The following CATIP variants were observed in gnomAD, a reference collection of about 807,000 sequenced individuals.
CATIP encodes the protein ciliogenesis associated TTC17 interacting protein.
A neutral mutation model predicts 42.5 loss-of-function variants in CATIP; 40 were observed. The observed-to-expected ratio is 0.94, with a 90% CI of 0.73 to 1.22. The LOEUF (loss-of-function observed/expected upper bound fraction) is 1.22. Ranked by LOEUF, CATIP falls within the 50% of genes most tolerant of loss-of-function variation. The pLI, the probability that CATIP is intolerant of heterozygous loss-of-function variation, is 0.00. For missense variants in CATIP, 489 were observed against 496.0 expected (o/e 0.99, Z 0.13); for synonymous variants, 222 against 200.2 (o/e 1.11, Z -0.92).
chr2:218,366,671 C>T, intron 7 of CATIP: 2 of 335,272 alleles, frequency 6.0e-6, no homozygotes, highest in Non-Finnish European at 1.2e-5. Flanking sequence ...TGGGTGGCTT[C>T]AAGAGAAATA....
In CATIP at chr2:218,357,075, A is replaced by G; in HGVS notation, c.26-20A>G. The G allele has an allele frequency of 6.2e-7, 1 of 1,606,234 alleles. No individual in the cohort carries two copies. Among genetic ancestry groups the G allele is most frequent in the Non-Finnish European group, 8.5e-7 (1 of 1,174,430 alleles). ...CCTTCTCCCCAGGGTCTGCCATCTT[A>G]GCCTCTCATCCCTCTGTAGGCTCCA... is the stretch of plus-strand genomic sequence containing the variant. On this transcript the variant is annotated intron_variant, in intron 1 of 9. Coordinates refer to ENST00000289388, the MANE Select transcript of CATIP (RefSeq NM_198559.2).
intron 6 of CATIP, among the ~76,000 whole-genome samples, chr2:218,363,226 A>T (rs1337845321): frequency 2.0e-5 from 3 of 152,142 alleles, no homozygotes; most frequent in Non-Finnish European, 2.9e-5. Context: ...CACGCCTGTA[A>T]TCCCAGCACT....
chr2:218,359,465 G>A (rs1695159418), intron 4 of CATIP, among the ~76,000 whole-genome samples: 3 of 152,068 alleles, frequency 2.0e-5, no homozygotes, highest in Admixed American at 1.3e-4. Flanking sequence ...TAATTAAGTG[G>A]CTGGGGCTGG....
At chr2:218,362,590 C>A in intron 5 of CATIP, 145 bp from the exon 6 acceptor site, 2 of 682,486 alleles carry the variant, frequency 2.9e-6, no homozygotes, top group Non-Finnish European at 4.9e-6. Context: ...TGAGACCACG[C>A]CATTGCACTC....
rs371635156 is a variant in CATIP at position 218,356,919 on chromosome 2, G to A, written c.25+10G>A. 6.2e-7 allele frequency: 1 copy of A among 1,613,874 alleles called. No homozygotes were observed. The highest frequency in any genetic ancestry group is 8.5e-7 in the Non-Finnish European group (1 of 1,179,890). On this transcript the variant is annotated intron_variant, in intron 1 of 9. Transcript: ENST00000289388. ...AAGGTTTACTCCACAGGTGGGAAGA[G>A]GACTGCTGGGGCTGGAGGCGGGGAT...
rs561708956 is a variant in CATIP, at chr2:218,362,919, G to T, written c.630+17G>T. The T allele has an allele frequency of 8.7e-6, 14 of 1,600,752 alleles. No homozygotes were observed. In the African/African-American group the frequency reaches 1.6e-4, roughly 18 times the overall value. On this transcript the variant is annotated intron_variant, in intron 6 of 9. Transcript: ENST00000289388. ...TTGACCTATGTAAGGGGTCCCCTTG[G>T]GCAGGGGACTTGGCTTGGGAGCGAA... is the stretch of plus-strand genomic sequence containing the variant.
intron 2 of CATIP, 152 bp from the exon 3 acceptor site, chr2:218,357,382 C>A (rs1695065914): frequency 2.7e-6 from 2 of 735,588 alleles, no homozygotes; most frequent in Non-Finnish European, 4.4e-6. Context: ...GGACATGGGG[C>A]AGGAGTCTTC....
intron 4 of CATIP, 97 bp from the exon 5 acceptor site, chr2:218,360,476 C>A: frequency 2.1e-6 from 2 of 942,972 alleles, no homozygotes; most frequent in Admixed American, 2.0e-5. Context: ...AAGTCACAAT[C>A]TTTAAACCTC....
intron 4 of CATIP, among the ~76,000 whole-genome samples, chr2:218,360,204 G>A (rs915791636): frequency 1.5e-4 from 23 of 151,142 alleles, no homozygotes; most frequent in African/African-American, 5.3e-4. Flanking sequence ...CCAGGCTGGA[G>A]TGTAGTGGTG....
At position 218,358,433 on chromosome 2, in the gene CATIP, C is replaced by T. The variant is rs537892474; in HGVS notation, c.375+341C>T. 3.3e-5 allele frequency among the ~76,000 whole-genome samples: 5 copies of T among 152,070 alleles called. No homozygotes were observed. In the South Asian group the frequency reaches 6.2e-4, roughly 19 times the overall value. ...AAAATTAGCCAGGCATGGTGGTGCACGCCTGTAGTCCCAGCTACTCAGAAG... is the reference window on the plus strand; with the variant it reads ...AAAATTAGCCAGGCATGGTGGTGCATGCCTGTAGTCCCAGCTACTCAGAAG... On this transcript the variant is annotated intron_variant, in intron 4 of 9. Coordinates refer to ENST00000289388, the MANE Select transcript of CATIP (RefSeq NM_198559.2).
In CATIP at chr2:218,367,710, G is replaced by A; in HGVS notation, c.922-12G>A. The A allele has an allele frequency of 6.3e-7, 1 of 1,588,168 alleles. No individual in the cohort carries two copies. On this transcript the variant is annotated splice_polypyrimidine_tract_variant and intron_variant, in intron 9 of 9. Coordinates refer to ENST00000289388, the MANE Select transcript of CATIP (RefSeq NM_198559.2). ...CCCGTCCGGCTGAGGCTCGGGCTCTGTCCCCTGCCAGGAGGAGCTCCGGCT... is the reference window on the plus strand; with the variant it reads ...CCCGTCCGGCTGAGGCTCGGGCTCTATCCCCTGCCAGGAGGAGCTCCGGCT...
intron 7 of CATIP, 43 bp from the exon 8 acceptor site, chr2:218,366,981 G>GTCTGGGAAGAT (rs760671754): frequency 6.8e-7 from 1 of 1,468,238 alleles, no homozygotes; most frequent in African/African-American, 1.4e-5. Context: ...ATAGCAGGCG[G>GTCTGGGAAGAT]TCTGGGAAGA....
In CATIP at chr2:218,356,860, G is replaced by A. The variant is rs186808733; in HGVS notation, c.-25G>A. On this transcript the variant is annotated 5_prime_UTR_variant, in exon 1 of 10. Transcript: ENST00000289388. ...GTTGCCATGGAGACAGCTGGACACA[G>A]ACCGGGTAGAGGCAGGCCCACAGCA... 32 of 1,614,096 alleles carry A rather than the reference G, an allele frequency of 2.0e-5. No individual in the cohort carries two copies. Among genetic ancestry groups the A allele is most frequent in the Admixed American group, 6.7e-5 (4 of 60,020 alleles).
chr2:218,364,541 G>C, intron 6 of CATIP, 87 bp from the exon 7 acceptor site: 1 of 1,534,228 alleles, frequency 6.5e-7, no homozygotes, highest in Non-Finnish European at 8.8e-7. Context: ...GTTGTTATGA[G>C]ATGGAGAAAA....
rs1392170214 is a variant in CATIP at position 218,362,867 on chromosome 2, T to C, written c.595T>C (p.Leu199=). The C allele has an allele frequency of 1.2e-6, 2 of 1,613,716 alleles. No individual in the cohort carries two copies. Among genetic ancestry groups the C allele is most frequent in the South Asian group, 1.1e-5 (1 of 91,082 alleles). ...GCCCAGCAATGCCCGCTTCCTGACC[T>C]TGGACACCGAGGGCAAACTCTGCTA... ...MVPSNARFLT[L]DTEGKLCYLT... The change falls in exon 6 of 10, where the codon TTG becomes CTG. Residue 199 remains leucine (L), a synonymous_variant. Transcript: ENST00000289388.
rs561704229 is a variant in CATIP, at chr2:218,363,494, A to C, written c.630+592A>C. On this transcript the variant is annotated intron_variant, in intron 6 of 9. Coordinates refer to ENST00000289388, the MANE Select transcript of CATIP (RefSeq NM_198559.2). ...GAGCGAGACTCTGTCTCAAAAAAAA[A>C]AAACAAAAAAAAAAAAACGTCATTT... 4.8e-3 allele frequency among the ~76,000 whole-genome samples: 705 copies of C among 148,072 alleles called. 3 individuals are homozygous for C. Among genetic ancestry groups the C allele is most frequent in the African/African-American group, 0.017 (657 of 39,472 alleles).
In CATIP at chr2:218,367,766, C is replaced by A. The variant is rs1695516151; in HGVS notation, c.966C>A (p.Pro322=). 6.2e-7 allele frequency: 1 copy of A among 1,610,558 alleles called. No homozygotes were observed. The highest frequency in any genetic ancestry group is 1.3e-5 in the African/African-American group (1 of 74,894). The change falls in exon 10 of 10, where the codon CCC becomes CCA. Residue 322 remains proline (P), a synonymous_variant. Coordinates refer to ENST00000289388, the MANE Select transcript of CATIP (RefSeq NM_198559.2). ...ACGCCAGCTATCTGCGGCAGCACCC[C>A]GAAGCCCACGCGCTCATCTCCGACT... is the stretch of plus-strand genomic sequence containing the variant. ...LGHASYLRQH[P]EAHALISDFL...
rs1159659587 is a variant in CATIP, at chr2:218,357,126, TC to T, written c.59del (p.Pro20ArgfsTer47). The T allele has an allele frequency of 6.2e-7, 1 of 1,613,832 alleles. No homozygotes were observed. The highest frequency in any genetic ancestry group is 1.7e-5 in the Admixed American group (1 of 59,970). ...GAGCTAAGGACCACCAGCCCTCGGG[TC>T]CGGAGTGTCTGCCACTCCCAGAGGC... ...SRAKDHQPSG[P>X]ECLPLPEANA... On this transcript the variant is annotated frameshift_variant, in exon 2 of 10. Coordinates refer to ENST00000289388, the MANE Select transcript of CATIP (RefSeq NM_198559.2). LOFTEE classifies it high-confidence loss of function.
intron 2 of CATIP, 74 bp downstream of exon 2, chr2:218,357,261 C>CTG (rs1695054455): frequency 1.9e-6 from 1 of 537,452 alleles, no homozygotes; most frequent in Non-Finnish European, 3.1e-6. Flanking sequence ...AAAGTCCAGT[C>CTG]TCTCTCTCTC....
Sources: allele counts gnomAD v4.1 joint callset (sites outside exome capture counted in the v4.1 genomes callset), GRCh38; gene constraint gnomAD v4.1.1; transcripts MANE v1.5; gene names NCBI Gene and HGNC (gene_info 2026-07-23, HGNC 2026-07-21).